The following WDR7 variants were observed in gnomAD, a reference collection of about 807,000 sequenced individuals.
The protein encoded by WDR7 is WD repeat-containing protein 7.
WDR7 carries 46 observed loss-of-function variants against 169.4 expected under a neutral mutation model. That is an observed-to-expected ratio of 0.27 (90% confidence interval 0.21 to 0.35). WDR7 has a LOEUF of 0.35. WDR7 is among the 10% of genes least tolerant of loss of function. The pLI, the probability that WDR7 is intolerant of heterozygous loss-of-function variation, is 1.00. For synonymous variants in WDR7, 612 were observed against 666.8 expected (o/e 0.92, Z 1.27); for missense variants, 1,534 against 1,859.3 (o/e 0.83, Z 3.22).
intron 20 of WDR7, among the ~76,000 whole-genome samples, chr18:56,869,089 T>C (rs2045920343): frequency 6.6e-6 from 1 of 152,158 alleles, no homozygotes; most frequent in Non-Finnish European, 1.5e-5. Context: ...ATGAATTACT[T>C]GAAAAACATG....
chr18:57,026,535 A>G (rs190845029), intron 27 of WDR7, among the ~76,000 whole-genome samples: 33 of 152,286 alleles, frequency 2.2e-4, no homozygotes, highest in Admixed American at 5.9e-4. Flanking sequence ...ATTTGATCCA[A>G]TTGTCACTCT....
chr18:56,712,795 T>C (rs1276095025), intron 12 of WDR7, among the ~76,000 whole-genome samples: 1 of 152,240 alleles, frequency 6.6e-6, no homozygotes. Context: ...CAGCGGTTAC[T>C]GAAGTAGAAT....
intron 16 of WDR7, among the ~76,000 whole-genome samples, chr18:56,769,809 C>A (rs1007303250): frequency 1.3e-5 from 2 of 152,106 alleles, no homozygotes; most frequent in African/African-American, 4.8e-5. Flanking sequence ...AATCACTATT[C>A]TTTTCCAGGA....
rs1312578919 is a variant in WDR7 at position 56,757,331 on chromosome 18, A to C, written c.2738A>C (p.His913Pro). The C allele has an allele frequency of 5.6e-6, 9 of 1,609,350 alleles. No homozygotes were observed. Among genetic ancestry groups the C allele is most frequent in the African/African-American group, 1.3e-5 (1 of 74,860 alleles). ...SMTNATFIGD[H>P]MKKGPTRPPR... ...ACCAATGCAACTTTTATTGGTGATCATATGAAGAAGGGTCCTACCAGGTGT... is the reference window on the plus strand; with the variant it reads ...ACCAATGCAACTTTTATTGGTGATCCTATGAAGAAGGGTCCTACCAGGTGT... Residue 913 changes from histidine (H) to proline (P), a missense_variant, in exon 15 of 28, where the codon CAT becomes CCT. Transcript: ENST00000254442.
At chr18:56,799,290 C>CT (rs2044633184) in intron 19 of WDR7, among the ~76,000 whole-genome samples, 1 of 152,048 alleles carries the variant, frequency 6.6e-6, no homozygotes, top group African/African-American at 2.4e-5. Flanking sequence ...TACTGTATAA[C>CT]TTTTAATTTT....
rs1470291799 is a variant in WDR7 at position 56,896,462 on chromosome 18, T to G, written c.3526+16297T>G. On this transcript the variant is annotated intron_variant, in intron 21 of 27. Transcript: ENST00000254442. ...AGCTGTTCTAAATTTATTGTAATTATTACATTGTTACCTTGGTGCAGGAGA... is the reference window on the plus strand; with the variant it reads ...AGCTGTTCTAAATTTATTGTAATTAGTACATTGTTACCTTGGTGCAGGAGA... 3.3e-5 allele frequency among the ~76,000 whole-genome samples: 5 copies of G among 151,954 alleles called. No homozygotes were observed. In the South Asian group the frequency reaches 1.0e-3, roughly 31 times the overall value.
intron 20 of WDR7, among the ~76,000 whole-genome samples, chr18:56,821,649 CTT>C (rs34413613): frequency 2.8e-5 from 4 of 143,040 alleles, no homozygotes; most frequent in Non-Finnish European, 4.6e-5. Context: ...CATACCCCTC[CTT>C]TTTTTTTTTT....
chr18:56,962,653 C>A (rs1445314165), intron 26 of WDR7, 124 bp downstream of exon 26: 4 of 840,416 alleles, frequency 4.8e-6, no homozygotes, highest in Non-Finnish European at 7.7e-6. Flanking sequence ...CTAAAGGGAT[C>A]AATAGTTTAA....
At chr18:56,798,605 T>A (rs2044622358) in intron 19 of WDR7, among the ~76,000 whole-genome samples, 1 of 152,212 alleles carries the variant, frequency 6.6e-6, no homozygotes, top group South Asian at 2.1e-4. Flanking sequence ...TAAGGAATAG[T>A]CTGTTTATGC....
chr18:56,796,142 A>G (rs1222347052), intron 19 of WDR7, among the ~76,000 whole-genome samples: 3 of 152,186 alleles, frequency 2.0e-5, no homozygotes, highest in Non-Finnish European at 4.4e-5. Flanking sequence ...TTCTATAGAG[A>G]TATAATCTTA....
rs138033274 is a variant in WDR7, at chr18:56,962,307, A to G, written c.4065-123A>G. 3.3e-3 allele frequency: 1,771 copies of G among 539,834 alleles called. 26 individuals are homozygous for G. The highest frequency in any genetic ancestry group is 0.025 in the African/African-American group (1,313 of 52,982). The allele number at this position is 539,834 out of a possible 1,614,324, so 33.4% of individuals were successfully genotyped here. A position where few individuals can be genotyped will look rare whatever the true frequency, so the allele number is the denominator to read the frequency against. Reference sequence around the variant, plus strand: ...ATCATAATATATTTATTATGGATATATTTATTTCAAAATATATATCAGAGC... The same window carrying G: ...ATCATAATATATTTATTATGGATATGTTTATTTCAAAATATATATCAGAGC... On this transcript the variant is annotated intron_variant, in intron 25 of 27. Transcript: ENST00000254442.
intron 26 of WDR7, among the ~76,000 whole-genome samples, chr18:56,969,896 A>C (rs1449480810): frequency 6.6e-6 from 1 of 152,194 alleles, no homozygotes; most frequent in Non-Finnish European, 1.5e-5. Flanking sequence ...TAGAGAAGGC[A>C]GTGTGGTTGC....
In WDR7 at chr18:57,007,259, G is replaced by A. The variant is rs187401144; in HGVS notation, c.4165-13486G>A. On this transcript the variant is annotated intron_variant, in intron 26 of 27. Transcript: ENST00000254442. Reference sequence around the variant, plus strand: ...CTCCCAAAGTGCTGGGATTACAGGCGTGAGCCACCGCTCCCGGCCTCCTAA... The same window carrying A: ...CTCCCAAAGTGCTGGGATTACAGGCATGAGCCACCGCTCCCGGCCTCCTAA... 3.3e-5 allele frequency among the ~76,000 whole-genome samples: 5 copies of A among 152,226 alleles called. No individual in the cohort carries two copies. The South Asian group carries it at 6.2e-4, about 19-fold the overall frequency.
intron 20 of WDR7, among the ~76,000 whole-genome samples, chr18:56,864,444 T>A (rs886610243): frequency 6.6e-6 from 1 of 151,678 alleles, no homozygotes; most frequent in African/African-American, 2.4e-5. Context: ...TGAAGAACAA[T>A]TTAATGTCTT....
intron 19 of WDR7, 47 bp from the exon 20 acceptor site, chr18:56,815,984 A>C (rs769920443): frequency 2.1e-6 from 3 of 1,454,792 alleles, no homozygotes; most frequent in Non-Finnish European, 9.2e-7. Context: ...TGTTTGCTTT[A>C]CTTTTCATTT....
intron 20 of WDR7, among the ~76,000 whole-genome samples, chr18:56,849,198 G>A (rs2045607840): frequency 6.6e-6 from 1 of 152,004 alleles, no homozygotes; most frequent in South Asian, 2.1e-4. Context: ...TTCTGCCTGA[G>A]ATTCCATTTT....
At chr18:56,957,945 A>G (rs1246613099) in intron 25 of WDR7, among the ~76,000 whole-genome samples, 1 of 152,122 alleles carries the variant, frequency 6.6e-6, no homozygotes, top group East Asian at 1.9e-4. Context: ...TCTTTCTCCC[A>G]AGTCCTAATC....
chr18:56,820,359 A>AACAAAAAAAC (rs1555695955), intron 20 of WDR7, among the ~76,000 whole-genome samples: 2 of 127,464 alleles, frequency 1.6e-5, no homozygotes, highest in African/African-American at 7.1e-5. Context: ...AAAAAAAAAA[A>AACAAAAAAAC]AAAAACCACC....
chr18:56,892,228 A>C (rs2046273327), intron 21 of WDR7, among the ~76,000 whole-genome samples: 1 of 152,068 alleles, frequency 6.6e-6, no homozygotes, highest in African/African-American at 2.4e-5. Flanking sequence ...AATTAATGTG[A>C]TGTATTATTT....
Sources: allele counts gnomAD v4.1 joint callset (sites outside exome capture counted in the v4.1 genomes callset), GRCh38; gene constraint gnomAD v4.1.1; transcripts MANE v1.5; gene names NCBI Gene and HGNC (gene_info 2026-07-23, HGNC 2026-07-21).